The following NCKAP5 variants were observed in gnomAD, a reference collection of about 807,000 sequenced individuals.
NCKAP5 encodes the protein NCK associated protein 5, also known as nck-associated protein 5.
In NCKAP5, 92 loss-of-function variants were observed where a neutral mutation model predicts 167.0. The ratio of observed to expected loss-of-function variants is 0.55; its 90% CI spans 0.47 to 0.66. The LOEUF (loss-of-function observed/expected upper bound fraction) is 0.66, where lower values mean the gene tolerates loss of function less well. NCKAP5 is among the 30% of genes least tolerant of loss of function. NCKAP5 has a pLI of 0.00. For synonymous variants in NCKAP5, 891 were observed against 877.4 expected, an observed-to-expected ratio of 1.02 and a Z score of -0.27; for missense variants, 2,378 against 2,315.0, an observed-to-expected ratio of 1.03 and a Z score of -0.56.
intron 5 of NCKAP5, among the ~76,000 whole-genome samples, chr2:133,138,004 G>T (rs1173313770): frequency 6.6e-6 from 1 of 152,078 alleles, no homozygotes; most frequent in Non-Finnish European, 1.5e-5. Context: ...TTTAGATGGG[G>T]TAGGCACGTA....
At chr2:132,834,408 G>A (rs1426276922) in intron 11 of NCKAP5, among the ~76,000 whole-genome samples, 3 of 151,988 alleles carry the variant, frequency 2.0e-5, no homozygotes, top group African/African-American at 7.2e-5. Flanking sequence ...GCAGTGGCGC[G>A]ATCTCGGCTC....
chr2:133,392,539 G>C lies in NCKAP5; in HGVS notation c.70-89429C>G, dbSNP rs568115101. On this transcript the variant is annotated intron_variant, in intron 3 of 19. Transcript: ENST00000409261. ...CCCCATAGATGGTGAACTCCTTAAA[G>C]GCAGTGACTATAACTGTATTGTTAC... 3.5e-4 allele frequency among the ~76,000 whole-genome samples: 54 copies of C among 152,232 alleles called. No homozygotes were observed. In the Middle Eastern group the frequency reaches 0.014, roughly 38 times the overall value.
chr2:133,633,366 C>T, the NCKAP5 span, among the ~76,000 whole-genome samples: 2 of 152,266 alleles, frequency 1.3e-5, no homozygotes, highest in East Asian at 3.9e-4. Context: ...CAGTGCTGGC[C>T]AACTGGGGTG....
At chr2:132,738,090 C>CT (rs1305847809) in intron 16 of NCKAP5, among the ~76,000 whole-genome samples, 1 of 152,048 alleles carries the variant, frequency 6.6e-6, no homozygotes, top group Non-Finnish European at 1.5e-5. Context: ...CAATCTGCTT[C>CT]TTTTTTGCTC....
intron 3 of NCKAP5, among the ~76,000 whole-genome samples, chr2:133,515,296 C>G (rs1417063761): frequency 6.6e-6 from 1 of 152,142 alleles, no homozygotes; most frequent in Non-Finnish European, 1.5e-5. Flanking sequence ...ATACTATAAC[C>G]GGGGGCAAAA....
intron 3 of NCKAP5, among the ~76,000 whole-genome samples, chr2:133,506,980 G>T (rs1363437279): frequency 6.6e-6 from 1 of 152,092 alleles, no homozygotes; most frequent in Admixed American, 6.5e-5. Context: ...TCACCAAACA[G>T]AAATTAGGTC....
At chr2:133,460,807 T>C (rs1692155880) in intron 3 of NCKAP5, among the ~76,000 whole-genome samples, 1 of 152,204 alleles carries the variant, frequency 6.6e-6, no homozygotes, top group South Asian at 2.1e-4. Flanking sequence ...TATTTTTGTA[T>C]TTAGACTATT....
At chr2:133,397,631 C>T (rs1354010766) in intron 3 of NCKAP5, among the ~76,000 whole-genome samples, 1 of 152,158 alleles carries the variant, frequency 6.6e-6, no homozygotes, top group Admixed American at 6.5e-5. Context: ...TGCTCTGGGG[C>T]TGCTGGGTAC....
intron 4 of NCKAP5, among the ~76,000 whole-genome samples, chr2:133,227,879 T>C (rs143797151): frequency 2.6e-4 from 39 of 152,312 alleles, no homozygotes; most frequent in African/African-American, 6.7e-4. Flanking sequence ...ATTTATTGAA[T>C]GCGGTATGGT....
intron 6 of NCKAP5, among the ~76,000 whole-genome samples, chr2:133,102,143 T>G (rs907084647): frequency 6.6e-5 from 10 of 151,988 alleles, no homozygotes; most frequent in African/African-American, 2.4e-4. Flanking sequence ...CTTTGTTTTT[T>G]TTGTTTGTTT....
chr2:132,892,002 C>T (rs1558908590), intron 8 of NCKAP5, among the ~76,000 whole-genome samples: 1 of 152,144 alleles, frequency 6.6e-6, no homozygotes, highest in Admixed American at 6.5e-5. Flanking sequence ...TGGCAGTTTC[C>T]TTCAGTCTTT....
chr2:133,206,269 A>G (rs563101264), intron 5 of NCKAP5, among the ~76,000 whole-genome samples: 96 of 152,272 alleles, frequency 6.3e-4, no homozygotes, highest in African/African-American at 2.0e-3. Flanking sequence ...ATTTTATACT[A>G]TGTGTGTTGC....
Position 133,464,648 on chromosome 2 carries a change from C to A in NCKAP5, c.69+52810G>T, listed in dbSNP as rs1048426845. On this transcript the variant is annotated intron_variant, in intron 3 of 19. Transcript: ENST00000409261. ...GAGCTTTCAGTGAGCCGAGATCCCA[C>A]CACTGCACTCCAGCCTGGGTGAGAG... is the stretch of plus-strand genomic sequence containing the variant. Among the ~76,000 whole-genome samples the A allele has an allele frequency of 2.6e-5, 4 of 152,170 alleles. No individual in the cohort carries two copies. The East Asian group carries it at 7.7e-4, about 29-fold the overall frequency.
intron 16 of NCKAP5, among the ~76,000 whole-genome samples, chr2:132,743,679 C>A (rs1679399144): frequency 6.6e-6 from 1 of 151,424 alleles, no homozygotes; most frequent in East Asian, 1.9e-4. Context: ...TAAATCCAAC[C>A]ATTTAGATAA....
intron 3 of NCKAP5, among the ~76,000 whole-genome samples, chr2:133,511,108 T>C (rs1683450271): frequency 6.6e-6 from 1 of 152,214 alleles, no homozygotes. Flanking sequence ...TGTTCGATTC[T>C]GCCATCCTCA....
At chr2:133,381,408 G>A (rs1039054034) in intron 3 of NCKAP5, 1 of 152,202 alleles carries the variant, frequency 6.6e-6, no homozygotes, top group Non-Finnish European at 1.5e-5. Context: ...GATGATAAAT[G>A]AAACATGAGT....
intron 6 of NCKAP5, among the ~76,000 whole-genome samples, chr2:133,009,573 AT>A (rs1343928301): frequency 3.3e-5 from 5 of 152,318 alleles, no homozygotes; most frequent in Non-Finnish European, 7.3e-5. Flanking sequence ...TCATTCATGT[AT>A]CCCCTCATCC....
intron 3 of NCKAP5, among the ~76,000 whole-genome samples, chr2:133,420,405 C>T (rs1271740094): frequency 1.3e-5 from 2 of 152,136 alleles, no homozygotes; most frequent in Non-Finnish European, 2.9e-5. Context: ...CCAGAATAGG[C>T]AAATTCCAAA....
intron 6 of NCKAP5, among the ~76,000 whole-genome samples, chr2:133,007,603 C>T (rs960634737): frequency 9.9e-5 from 15 of 152,220 alleles, no homozygotes; most frequent in East Asian, 5.8e-4. Context: ...TGGGCAACTT[C>T]GGGTCTGAGC....
Sources: allele counts gnomAD v4.1 joint callset (sites outside exome capture counted in the v4.1 genomes callset), GRCh38; gene constraint gnomAD v4.1.1; transcripts MANE v1.5; gene names NCBI Gene and HGNC (gene_info 2026-07-23, HGNC 2026-07-21).